The following CLSTN2 variants were observed in gnomAD, a reference collection of about 807,000 sequenced individuals.
The protein encoded by CLSTN2 is calsyntenin-2.
Under a neutral mutation model 101.2 loss-of-function variants are expected in CLSTN2, and 48 were observed. The ratio of observed to expected loss-of-function variants is 0.47; its 90% CI spans 0.38 to 0.60. CLSTN2 has a LOEUF of 0.60. CLSTN2 is among the 20% of genes least tolerant of loss of function. The pLI is 0.00. For synonymous variants in CLSTN2, 481 were observed against 463.6 expected (o/e 1.04, Z -0.48); for missense variants, 1,160 against 1,238.2 (o/e 0.94, Z 0.95).
intron 2 of CLSTN2, among the ~76,000 whole-genome samples, chr3:140,344,321 A>C (rs2087520454): frequency 6.6e-6 from 1 of 152,208 alleles, no homozygotes; most frequent in South Asian, 2.1e-4. Flanking sequence ...CACAGAGGAC[A>C]GGGCTGACTG....
At chr3:140,360,427 A>C (rs1179366437) in intron 2 of CLSTN2, among the ~76,000 whole-genome samples, 3 of 152,266 alleles carry the variant, frequency 2.0e-5, no homozygotes, top group Admixed American at 6.5e-5. Flanking sequence ...GACAGCAAGT[A>C]CCTGGGGAAA....
chr3:140,065,261 T>C (rs2008279949), intron 1 of CLSTN2, among the ~76,000 whole-genome samples: 1 of 152,208 alleles, frequency 6.6e-6, no homozygotes, highest in East Asian at 1.9e-4. Context: ...TCTGGGATGA[T>C]TGGATTTGGA....
chr3:140,389,621 T>C (rs948781358), intron 2 of CLSTN2, among the ~76,000 whole-genome samples: 2 of 152,230 alleles, frequency 1.3e-5, no homozygotes, highest in Non-Finnish European at 1.5e-5. Context: ...TATAATAGAA[T>C]GATTTATATT....
At chr3:140,484,450 G>A (rs1052138742) in intron 8 of CLSTN2, among the ~76,000 whole-genome samples, 26 of 152,158 alleles carry the variant, frequency 1.7e-4, no homozygotes, top group Admixed American at 7.2e-4. Flanking sequence ...TCTTGGAGTC[G>A]CTCTTCTCAA....
At chr3:140,051,804 A>G (rs7633869) in intron 1 of CLSTN2, among the ~76,000 whole-genome samples, 5,407 of 152,270 alleles carry the variant, frequency 0.036, 300 homozygotes, top group African/African-American at 0.12. Flanking sequence ...TGATTTCAAT[A>G]TGCAGCCACA....
chr3:140,266,616 C>A (rs957009470), intron 2 of CLSTN2, among the ~76,000 whole-genome samples: 2 of 151,662 alleles, frequency 1.3e-5, no homozygotes, highest in Non-Finnish European at 2.9e-5. Context: ...CGAGTTGAAG[C>A]TGAATAAATG....
intron 1 of CLSTN2, among the ~76,000 whole-genome samples, chr3:139,941,112 C>A (rs1437554542): frequency 6.6e-6 from 1 of 152,090 alleles, no homozygotes; most frequent in South Asian, 2.1e-4. Flanking sequence ...CAAATAACAG[C>A]TTGAAATCGA....
intron 2 of CLSTN2, among the ~76,000 whole-genome samples, chr3:140,381,559 T>C (rs2087984244): frequency 1.3e-5 from 2 of 152,234 alleles, no homozygotes; most frequent in South Asian, 2.1e-4. Flanking sequence ...CATAGCATGA[T>C]ACTTGACTTA....
At chr3:140,010,334 T>G (rs1325589649) in intron 1 of CLSTN2, among the ~76,000 whole-genome samples, 1 of 152,200 alleles carries the variant, frequency 6.6e-6, no homozygotes, top group Non-Finnish European at 1.5e-5. Flanking sequence ...AAATATTGAC[T>G]CATGTAACTG....
rs115938757 is a variant in CLSTN2 at position 140,116,464 on chromosome 3, G to A, written c.110-59487G>A. 5.4e-3 allele frequency among the ~76,000 whole-genome samples: 823 copies of A among 152,226 alleles called. 6 individuals are homozygous for A. The highest frequency in any genetic ancestry group is 0.019 in the African/African-American group (780 of 41,540). On this transcript the variant is annotated intron_variant, in intron 1 of 16. Transcript: ENST00000458420. ...TTTGCTGCCTTCTTACAGGAATCAG[G>A]AATTTACCTTGAATTGAAAATGGAC...
chr3:139,994,418 A>G (rs1232555001), intron 1 of CLSTN2, among the ~76,000 whole-genome samples: 1 of 152,202 alleles, frequency 6.6e-6, no homozygotes, highest in Non-Finnish European at 1.5e-5. Flanking sequence ...CTGATGAGGA[A>G]ACTGAGAAAT....
intron 1 of CLSTN2, among the ~76,000 whole-genome samples, chr3:140,074,871 CT>C (rs757557269): frequency 6.6e-6 from 1 of 152,192 alleles, no homozygotes; most frequent in African/African-American, 2.4e-5. Context: ...CCTTCCCTGG[CT>C]TTCCCAGTCA....
intron 1 of CLSTN2, among the ~76,000 whole-genome samples, chr3:139,941,820 A>G (rs1167151303): frequency 6.6e-6 from 1 of 152,240 alleles, no homozygotes; most frequent in African/African-American, 2.4e-5. Flanking sequence ...CAGAGCTAAT[A>G]AAACAGTGAA....
At chr3:140,426,241 G>A (rs1018716031) in intron 5 of CLSTN2, among the ~76,000 whole-genome samples, 4 of 152,106 alleles carry the variant, frequency 2.6e-5, no homozygotes, top group Non-Finnish European at 2.9e-5. Context: ...GATATTAAGC[G>A]CCACATGCAG....
At chr3:140,073,587 C>T (rs1163036806) in intron 1 of CLSTN2, among the ~76,000 whole-genome samples, 1 of 152,214 alleles carries the variant, frequency 6.6e-6, no homozygotes, top group East Asian at 1.9e-4. Flanking sequence ...CCCTGTAAAG[C>T]ATCTCCCAAT....
At chr3:140,486,832 T>C (rs1934250519) in intron 8 of CLSTN2, among the ~76,000 whole-genome samples, 1 of 152,180 alleles carries the variant, frequency 6.6e-6, no homozygotes, top group Admixed American at 6.5e-5. Context: ...AATTGGAAGT[T>C]GGGCACATGT....
At chr3:140,164,974 GA>G (rs1184365657) in intron 1 of CLSTN2, among the ~76,000 whole-genome samples, 1 of 152,114 alleles carries the variant, frequency 6.6e-6, no homozygotes, top group African/African-American at 2.4e-5. Flanking sequence ...AAGAAAATAG[GA>G]AAGAAGTGAG....
chr3:140,460,661 C>A (rs1033979999), intron 7 of CLSTN2, among the ~76,000 whole-genome samples: 2 of 152,156 alleles, frequency 1.3e-5, no homozygotes, highest in African/African-American at 4.8e-5. Flanking sequence ...TTAGATCCAA[C>A]TAAATCCAAA....
chr3:140,380,139 CAG>C (rs970149487), intron 2 of CLSTN2, among the ~76,000 whole-genome samples: 4 of 152,300 alleles, frequency 2.6e-5, no homozygotes, highest in African/African-American at 7.2e-5. Context: ...CCCAGCCAGA[CAG>C]TGATCTGTAG....
Sources: allele counts gnomAD v4.1 joint callset (sites outside exome capture counted in the v4.1 genomes callset), GRCh38; gene constraint gnomAD v4.1.1; transcripts MANE v1.5; gene names NCBI Gene and HGNC (gene_info 2026-07-23, HGNC 2026-07-21).